The following CSMD1 variants were observed in gnomAD, a reference collection of about 807,000 sequenced individuals.
The protein encoded by CSMD1 is CUB and sushi domain-containing protein 1.
Under a neutral mutation model 417.5 loss-of-function variants are expected in CSMD1, and 213 were observed. The ratio of observed to expected loss-of-function variants is 0.51; its 90% confidence interval spans 0.46 to 0.57. CSMD1 has a LOEUF of 0.57. Ranked by LOEUF, CSMD1 falls within the 20% of genes least tolerant of loss-of-function variation. CSMD1 has a pLI of 0.00. For missense variants in CSMD1, 6,923 were observed against 4,529.7 expected (o/e 1.53, Z -15.17); for synonymous variants, 2,862 against 1,736.8 (o/e 1.65, Z -16.11).
At chr8:4,188,955 C>G (rs1798853258) in intron 3 of CSMD1, among the ~76,000 whole-genome samples, 1 of 152,086 alleles carries the variant, frequency 6.6e-6, no homozygotes, top group East Asian at 1.9e-4. Flanking sequence ...GATATTAGAG[C>G]CCTGTGTTGA....
chr8:4,026,555 G>A (rs1022836704), intron 4 of CSMD1, among the ~76,000 whole-genome samples: 1 of 152,198 alleles, frequency 6.6e-6, no homozygotes, highest in African/African-American at 2.4e-5. Context: ...AAATACTCTT[G>A]GCTTAGGCCA....
intron 1 of CSMD1, among the ~76,000 whole-genome samples, chr8:4,720,815 C>T (rs778152415): frequency 1.3e-5 from 2 of 152,164 alleles, no homozygotes; most frequent in East Asian, 1.9e-4. Flanking sequence ...AGATCAACAA[C>T]GGCCATAAGG....
At chr8:2,994,215 A>C (rs1806673365) in intron 54 of CSMD1, among the ~76,000 whole-genome samples, 1 of 151,874 alleles carries the variant, frequency 6.6e-6, no homozygotes, top group African/African-American at 2.4e-5. Flanking sequence ...GAAAGTAAGA[A>C]AACAACATTC....
chr8:4,612,895 C>T (rs1801259745), intron 2 of CSMD1, among the ~76,000 whole-genome samples: 1 of 152,156 alleles, frequency 6.6e-6, no homozygotes, highest in Non-Finnish European at 1.5e-5. Context: ...CTTATGCTTT[C>T]CTGAACATGA....
At chr8:3,170,673 G>C (rs1394398291) in intron 37 of CSMD1, among the ~76,000 whole-genome samples, 1 of 152,134 alleles carries the variant, frequency 6.6e-6, no homozygotes, top group Non-Finnish European at 1.5e-5. Context: ...TTAATCCATG[G>C]ATCATGCACA....
chr8:3,058,741 G>C (rs1476394158), intron 49 of CSMD1, among the ~76,000 whole-genome samples: 2 of 152,018 alleles, frequency 1.3e-5, no homozygotes, highest in Non-Finnish European at 2.9e-5. Flanking sequence ...TCTCGGAGGA[G>C]CAAGGATTTA....
Position 3,047,377 on chromosome 8 carries a change from C to T in CSMD1, c.7660+5085G>A, listed in dbSNP as rs1811529261. On this transcript the variant is annotated intron_variant, in intron 50 of 69. Transcript: ENST00000635120. ...CTTTTCCGCTGCTGTTTGCATCCGGCCTTCTGTTTCATGTCCTGTGCATAT... is the reference window on the plus strand; with the variant it reads ...CTTTTCCGCTGCTGTTTGCATCCGGTCTTCTGTTTCATGTCCTGTGCATAT... Among the ~76,000 whole-genome samples, 3 of 152,116 alleles carry T rather than the reference C, an allele frequency of 2.0e-5. No individual in the cohort carries two copies. The South Asian group carries it at 6.2e-4, about 32-fold the overall frequency.
At chr8:3,257,024 C>A (rs1800702628) in intron 26 of CSMD1, among the ~76,000 whole-genome samples, 1 of 152,154 alleles carries the variant, frequency 6.6e-6, no homozygotes, top group Non-Finnish European at 1.5e-5. Context: ...TTCCTTCATT[C>A]AGAAATACTT....
chr8:3,577,890 C>G (rs1800217892), intron 9 of CSMD1, among the ~76,000 whole-genome samples: 1 of 152,170 alleles, frequency 6.6e-6, no homozygotes, highest in East Asian at 1.9e-4. Flanking sequence ...CAAATGGCAA[C>G]TACCGTAAGT....
chr8:4,754,782 G>C (rs1249181303), intron 1 of CSMD1, among the ~76,000 whole-genome samples: 6 of 152,172 alleles, frequency 3.9e-5, no homozygotes, highest in Non-Finnish European at 8.8e-5. Context: ...CCAGGAAGCA[G>C]AGGTTGCAGT....
At chr8:4,929,048 G>T (rs890717684) in intron 1 of CSMD1, among the ~76,000 whole-genome samples, 2 of 152,058 alleles carry the variant, frequency 1.3e-5, no homozygotes, top group African/African-American at 2.4e-5. Flanking sequence ...TCCAGCCTGG[G>T]GTGACAAAGT....
At chr8:3,579,671 G>C (rs1272319698) in intron 9 of CSMD1, among the ~76,000 whole-genome samples, 4 of 152,160 alleles carry the variant, frequency 2.6e-5, no homozygotes, top group Admixed American at 2.6e-4. Flanking sequence ...CCTGGCTTAG[G>C]TAGTCAGTAG....
In CSMD1 at chr8:3,439,144, AAAAAAAAAC is replaced by A. The variant is rs1563390101; in HGVS notation, c.1562-29548_1562-29540del. 5.3e-5 allele frequency among the ~76,000 whole-genome samples: 7 copies of A among 130,918 alleles called. 1 individual carries two copies. The highest frequency in any genetic ancestry group is 7.8e-5 in the Non-Finnish European group (5 of 64,194). The allele number at this position is 130,918 out of a possible 152,430, so 85.9% of individuals were successfully genotyped here. A position where few individuals can be genotyped will look rare whatever the true frequency, so the allele number is the denominator to read the frequency against. ...TCTCAAAAAAAAAAAAAAAAAAAAA[AAAAAAAAAC>A]CAAGAAAAAAAAAAGAAAAAGAAAA... On this transcript the variant is annotated intron_variant, in intron 12 of 69. Coordinates refer to ENST00000635120, the MANE Select transcript of CSMD1 (RefSeq NM_033225.6).
chr8:4,395,951 T>A (rs1240491019), intron 3 of CSMD1, among the ~76,000 whole-genome samples: 1 of 152,214 alleles, frequency 6.6e-6, no homozygotes, highest in Admixed American at 6.5e-5. Flanking sequence ...ATTCCCCATT[T>A]ATGCCATTAA....
At chr8:4,728,014 T>C (rs1305384907) in intron 1 of CSMD1, among the ~76,000 whole-genome samples, 1 of 146,256 alleles carries the variant, frequency 6.8e-6, no homozygotes, top group East Asian at 2.0e-4. Flanking sequence ...ATACAAAATA[T>C]ATATATATTT....
intron 3 of CSMD1, among the ~76,000 whole-genome samples, chr8:4,343,857 G>A (rs1179207952): frequency 6.6e-6 from 1 of 152,082 alleles, no homozygotes; most frequent in African/African-American, 2.4e-5. Context: ...TACATCTCCT[G>A]TAGCATATGG....
At chr8:3,093,921 T>C (rs1815121861) in intron 47 of CSMD1, among the ~76,000 whole-genome samples, 1 of 152,132 alleles carries the variant, frequency 6.6e-6, no homozygotes, top group Non-Finnish European at 1.5e-5. Flanking sequence ...TGGTATTTCA[T>C]AATCAAAGAC....
At chr8:3,045,021 C>T (rs1811341275) in intron 50 of CSMD1, among the ~76,000 whole-genome samples, 1 of 152,146 alleles carries the variant, frequency 6.6e-6, no homozygotes, top group Non-Finnish European at 1.5e-5. Flanking sequence ...CAAAAACAAT[C>T]CCCCGAATAA....
chr8:4,450,083 C>G (rs1340997696), intron 2 of CSMD1, among the ~76,000 whole-genome samples: 1 of 152,182 alleles, frequency 6.6e-6, no homozygotes, highest in Non-Finnish European at 1.5e-5. Flanking sequence ...CTCGTCCTGT[C>G]TCACTTCTGC....
Sources: allele counts gnomAD v4.1 joint callset (sites outside exome capture counted in the v4.1 genomes callset), GRCh38; gene constraint gnomAD v4.1.1; transcripts MANE v1.5; gene names NCBI Gene and HGNC (gene_info 2026-07-23, HGNC 2026-07-21).